CERKL: variants seen among roughly 807,000 people sequenced by gnomAD.
CERKL encodes CERK like autophagy regulator.
CERKL carries 61 observed loss-of-function variants against 63.4 expected under a neutral mutation model. The observed-to-expected ratio is 0.96, with a 90% confidence interval of 0.78 to 1.19. The LOEUF (loss-of-function observed/expected upper bound fraction) is 1.19, where lower values mean the gene tolerates loss of function less well. CERKL is among the 50% of genes most tolerant of loss of function. CERKL has a pLI of 0.00. For missense variants in CERKL, 675 were observed against 655.5 expected (o/e 1.03, Z -0.33); for synonymous variants, 250 against 230.5 (o/e 1.08, Z -0.77).
chr2:181,577,653 G>C (rs1684309155), intron 2 of CERKL, among the ~76,000 whole-genome samples: 1 of 152,110 alleles, frequency 6.6e-6, no homozygotes, highest in South Asian at 2.1e-4. Context: ...GTTGAGGAGG[G>C]TTGGGGACAG....
intron 1 of CERKL, among the ~76,000 whole-genome samples, chr2:181,622,413 A>G (rs1686496808): frequency 6.6e-6 from 1 of 152,164 alleles, no homozygotes; most frequent in Admixed American, 6.6e-5. Flanking sequence ...ATCAGATATA[A>G]AGACCTTCAA....
Position 181,538,047 on chromosome 2 carries a change from C to T in CERKL, c.*137G>A. 1.4e-6 allele frequency: 1 copy of T among 703,106 alleles called. No individual in the cohort carries two copies. The highest frequency in any genetic ancestry group is 2.7e-6 in the Non-Finnish European group (1 of 376,884). 43.6% of individuals were successfully genotyped at this position (703,106 alleles called of 1,614,324 possible). ...TGAGGTGGAACAGTTCATCCTGAAA[C>T]CATTCCCCCATCCACGGAAAAATTG... On this transcript the variant is annotated 3_prime_UTR_variant, in exon 13 of 13. Transcript: ENST00000410087.
chr2:181,634,491 A>G (rs575992477), intron 1 of CERKL, among the ~76,000 whole-genome samples: 1 of 152,232 alleles, frequency 6.6e-6, no homozygotes, highest in African/African-American at 2.4e-5. Flanking sequence ...CATTAAGGTG[A>G]AAAAAATTTT....
At chr2:181,608,244 C>T (rs1002583925) in intron 1 of CERKL, among the ~76,000 whole-genome samples, 1 of 151,900 alleles carries the variant, frequency 6.6e-6, no homozygotes, top group Non-Finnish European at 1.5e-5. Context: ...TTTTTCTTAC[C>T]AATCTTTAAA....
At chr2:181,579,124 G>A (rs1056345092) in intron 2 of CERKL, among the ~76,000 whole-genome samples, 2 of 151,946 alleles carry the variant, frequency 1.3e-5, no homozygotes, top group African/African-American at 4.9e-5. Flanking sequence ...TTCCTCACGT[G>A]TAATACAGAA....
intron 5 of CERKL, among the ~76,000 whole-genome samples, chr2:181,555,897 C>G (rs558970577): frequency 1.3e-5 from 2 of 151,776 alleles, no homozygotes; most frequent in African/African-American, 4.8e-5. Flanking sequence ...GGATCACAGG[C>G]GCACACCACC....
intron 10 of CERKL, among the ~76,000 whole-genome samples, chr2:181,545,132 ATGT>A (rs913885645): frequency 7.2e-5 from 11 of 152,342 alleles, no homozygotes; most frequent in Non-Finnish European, 4.4e-5. Context: ...ATGTGAAACT[ATGT>A]TGTTAAAAGA....
chr2:181,541,941 A>G (rs141683150), intron 11 of CERKL, among the ~76,000 whole-genome samples: 100 of 152,334 alleles, frequency 6.6e-4, no homozygotes, highest in Admixed American at 1.2e-3. Flanking sequence ...TCTTCAGCAT[A>G]CAAGAAGACA....
chr2:181,545,616 T>C (rs1687691800), intron 10 of CERKL, among the ~76,000 whole-genome samples: 1 of 152,160 alleles, frequency 6.6e-6, no homozygotes, highest in African/African-American at 2.4e-5. Context: ...GCTCATTTCA[T>C]GTAGAGGGAA....
chr2:181,604,611 T>C (rs916573959), intron 1 of CERKL, among the ~76,000 whole-genome samples: 2 of 152,142 alleles, frequency 1.3e-5, no homozygotes, highest in Middle Eastern at 3.2e-3. Context: ...ATTTTAGTAA[T>C]AAATTGGTGT....
chr2:181,568,283 GTACTT>G (rs911869974), intron 3 of CERKL, among the ~76,000 whole-genome samples: 2 of 152,118 alleles, frequency 1.3e-5, no homozygotes, highest in African/African-American at 4.8e-5. Flanking sequence ...TGTCCTGTAG[GTACTT>G]TAAAGTTAGT....
chr2:181,626,815 T>C (rs755175903), intron 1 of CERKL, among the ~76,000 whole-genome samples: 10 of 152,232 alleles, frequency 6.6e-5, no homozygotes, highest in Non-Finnish European at 1.2e-4. Flanking sequence ...CTTCTGATTT[T>C]CAGCAGACAA....
chr2:181,550,596 T>C lies in CERKL; in HGVS notation c.821-888A>G, dbSNP rs1559073066. ...ATAATAGCCAAGAGCTGTGAAACCA[T>C]GCATGTGGTGTGTTCCGGTTATGAA... On this transcript the variant is annotated intron_variant, in intron 5 of 12. Coordinates refer to ENST00000410087, the MANE Select transcript of CERKL (RefSeq NM_201548.5). This position sits in a 1 kb window ranked among gnomAD's most constrained non-coding sequence, Gnocchi z 4.5. Among the ~76,000 whole-genome samples, 1 of 152,118 alleles carries C rather than the reference T, an allele frequency of 6.6e-6. No individual in the cohort carries two copies.
chr2:181,644,876 C>A (rs569927975), intron 1 of CERKL, among the ~76,000 whole-genome samples: 1 of 152,228 alleles, frequency 6.6e-6, no homozygotes, highest in Admixed American at 6.5e-5. Flanking sequence ...AGCAAGAAAG[C>A]TTGTGTAGAG....
chr2:181,542,630 C>CAAA (rs34005238), intron 11 of CERKL, among the ~76,000 whole-genome samples: 25 of 137,074 alleles, frequency 1.8e-4, no homozygotes, highest in African/African-American at 6.1e-4. Context: ...GAATTCTTTG[C>CAAA]AAAAAAAAAA....
At chr2:181,627,740 A>G (rs1034197261) in intron 1 of CERKL, among the ~76,000 whole-genome samples, 2 of 152,192 alleles carry the variant, frequency 1.3e-5, no homozygotes, top group African/African-American at 4.8e-5. Context: ...GCCGAAGAGG[A>G]AAACATTCCC....
chr2:181,639,691 G>T (rs1244281285), intron 1 of CERKL, among the ~76,000 whole-genome samples: 1 of 152,172 alleles, frequency 6.6e-6, no homozygotes, highest in Admixed American at 6.5e-5. Flanking sequence ...ACCAAATGGG[G>T]ACAGTGCAGG....
At position 181,593,748 on chromosome 2, in the gene CERKL, T is replaced by G. The variant is rs138083082; in HGVS notation, c.481+10089A>C. On this transcript the variant is annotated intron_variant, in intron 2 of 12. Transcript: ENST00000410087. ...TCATCTACAAATCCCTCAACCTGCA[T>G]AGCCCATTGATGGACTCCTTTCCAG... Among the ~76,000 whole-genome samples the G allele has an allele frequency of 2.3e-4, 35 of 151,996 alleles. No individual in the cohort carries two copies. The East Asian group carries it at 6.0e-3, about 26-fold the overall frequency.
chr2:181,596,952 A>G (rs1685239556), intron 2 of CERKL, among the ~76,000 whole-genome samples: 1 of 152,192 alleles, frequency 6.6e-6, no homozygotes, highest in South Asian at 2.1e-4. Context: ...CATAAATGCT[A>G]TCCTTTTTTA....
Sources: gnomAD v4.1 joint callset for allele counts (sites outside exome capture counted in the v4.1 genomes callset) on GRCh38, gnomAD v4.1.1 for gene constraint, Gnocchi (gnomAD v3.1) non-coding constraint, MANE v1.5 for transcripts, NCBI Gene and HGNC (gene_info 2026-07-23, HGNC 2026-07-21) for gene names.